The following RNF217 variants were observed in gnomAD, a reference collection of about 807,000 sequenced individuals.
The protein encoded by RNF217 is ring finger protein 217.
RNF217 carries 31 observed loss-of-function variants against 57.8 expected under a neutral mutation model. The ratio of observed to expected loss-of-function variants is 0.54; its 90% confidence interval spans 0.40 to 0.72. RNF217 has a LOEUF of 0.72. Among genes scored for constraint, RNF217 ranks in the 30% least tolerant of loss-of-function variants. The pLI is 0.00. For missense variants in RNF217, 696 were observed against 708.3 expected (o/e 0.98, Z 0.20); for synonymous variants, 313 against 294.0 (o/e 1.06, Z -0.66).
At chr6:125,066,816 G>A (rs1053172433) in intron 3 of RNF217, among the ~76,000 whole-genome samples, 1 of 152,138 alleles carries the variant, frequency 6.6e-6, no homozygotes, top group Non-Finnish European at 1.5e-5. Flanking sequence ...CTAAATAATA[G>A]ATAATGGCTG....
intron 1 of RNF217, among the ~76,000 whole-genome samples, chr6:125,019,428 A>T (rs1160797382): frequency 1.3e-5 from 2 of 152,142 alleles, no homozygotes; most frequent in African/African-American, 4.8e-5. Context: ...GTTAATTAAT[A>T]ATCTACATTT....
chr6:125,066,027 G>C (rs1787925602), intron 3 of RNF217, among the ~76,000 whole-genome samples: 1 of 152,114 alleles, frequency 6.6e-6, no homozygotes, highest in South Asian at 2.1e-4. Context: ...AAGAACTTTA[G>C]GTTATCCCAG....
chr6:125,017,865 C>CA (rs1785671700), intron 1 of RNF217, among the ~76,000 whole-genome samples: 1 of 152,028 alleles, frequency 6.6e-6, no homozygotes, highest in East Asian at 1.9e-4. Flanking sequence ...GGTGAAAGGT[C>CA]AAAATGAAAC....
intron 1 of RNF217, among the ~76,000 whole-genome samples, chr6:124,965,958 G>C (rs754941339): frequency 1.3e-5 from 2 of 152,084 alleles, no homozygotes; most frequent in African/African-American, 4.8e-5. Context: ...TATAACAGAT[G>C]GGCAACTAAA....
intron 1 of RNF217, among the ~76,000 whole-genome samples, chr6:124,972,061 A>G (rs1728731281): frequency 6.6e-6 from 1 of 152,120 alleles, no homozygotes; most frequent in Non-Finnish European, 1.5e-5. Context: ...TAGCCACCTT[A>G]AACTTAACTT....
intron 1 of RNF217, among the ~76,000 whole-genome samples, chr6:125,002,221 C>T (rs1473453777): frequency 1.3e-5 from 2 of 152,096 alleles, no homozygotes; most frequent in Non-Finnish European, 2.9e-5. Context: ...TCTGTTGCTA[C>T]TGAGTGTGAG....
chr6:124,978,823 C>T (rs1784057680), intron 1 of RNF217, among the ~76,000 whole-genome samples: 1 of 152,148 alleles, frequency 6.6e-6, no homozygotes, highest in Non-Finnish European at 1.5e-5. Flanking sequence ...CACATGGACA[C>T]CAGAGAGTGA....
chr6:124,972,105 T>G (rs1439719298), intron 1 of RNF217, among the ~76,000 whole-genome samples: 2 of 152,206 alleles, frequency 1.3e-5, no homozygotes, highest in African/African-American at 4.8e-5. Context: ...TCCCCTTGTT[T>G]GCCACATGCT....
At chr6:125,055,241 A>G (rs1338789875) in intron 2 of RNF217, among the ~76,000 whole-genome samples, 1 of 152,160 alleles carries the variant, frequency 6.6e-6, no homozygotes, top group African/African-American at 2.4e-5. Context: ...GCAATCCAGT[A>G]TGAGTTTAAC....
At chr6:124,989,169 T>G (rs1784462533) in intron 1 of RNF217, among the ~76,000 whole-genome samples, 1 of 152,216 alleles carries the variant, frequency 6.6e-6, no homozygotes, top group Non-Finnish European at 1.5e-5. Flanking sequence ...AATTTACTAT[T>G]TTTTAAACCG....
chr6:125,045,486 C>A, intron 2 of RNF217, 42 bp downstream of exon 2: 3 of 1,444,442 alleles, frequency 2.1e-6, no homozygotes, highest in Non-Finnish European at 2.9e-6. Flanking sequence ...TGTCACATGG[C>A]AGAAGCAGCC....
chr6:125,048,316 G>A (rs1787174113), intron 2 of RNF217: 1 of 1,275,986 alleles, frequency 7.8e-7, no homozygotes, highest in Non-Finnish European at 1.0e-6. Flanking sequence ...AATAAAATAA[G>A]GTAGTTCCAA....
At chr6:125,023,601 AT>A (rs144569214) in intron 1 of RNF217, among the ~76,000 whole-genome samples, 2,028 of 152,322 alleles carry the variant, frequency 0.013, 28 homozygotes, top group Middle Eastern at 0.031. Flanking sequence ...TGAAATTAGT[AT>A]GTTGAAGAGA....
chr6:125,063,645 T>A (rs1787830059), intron 3 of RNF217, among the ~76,000 whole-genome samples: 1 of 151,692 alleles, frequency 6.6e-6, no homozygotes, highest in Admixed American at 6.6e-5. Context: ...TATTAAGTGA[T>A]TTGATAAAAC....
rs776061638 is a variant in RNF217 at position 125,089,380 on chromosome 6, G to A, written c.*6443G>A. 2.6e-5 allele frequency: 4 copies of A among 152,124 alleles called. No individual in the cohort carries two copies. Among genetic ancestry groups the A allele is most frequent in the African/African-American group, 7.2e-5 (3 of 41,426 alleles). The allele number at this position is 152,124 out of a possible 1,614,324, so 9.4% of individuals were successfully genotyped here. On this transcript the variant is annotated 3_prime_UTR_variant, in exon 6 of 6. Coordinates refer to ENST00000521654, the MANE Select transcript of RNF217 (RefSeq NM_001286398.3). ...AAAAAGGGTTATAGGTATGGTTTAT[G>A]GTCTTTGTTTCAGCAAAACGTCCTA...
chr6:125,036,169 A>G (rs1582736630), intron 1 of RNF217, among the ~76,000 whole-genome samples: 1 of 152,140 alleles, frequency 6.6e-6, no homozygotes, highest in East Asian at 1.9e-4. Flanking sequence ...GAGTGAGAAC[A>G]TGCAGTGTTT....
chr6:125,009,389 G>GAGTAGATT (rs1382729870), intron 1 of RNF217: 2 of 697,344 alleles, frequency 2.9e-6, no homozygotes, highest in Non-Finnish European at 5.0e-6. Flanking sequence ...GAGCCTGGAA[G>GAGTAGATT]AGTAGATTTT....
rs200547061 is a variant in RNF217, at chr6:125,055,192, A to G, written c.1117-2750A>G. ...CTTTTATGGTTTTAATCCAAAGCAA[A>G]TAAAGAGTGATTCTGATGTTTTCAG... is the stretch of plus-strand genomic sequence containing the variant. On this transcript the variant is annotated intron_variant, in intron 2 of 5. Transcript: ENST00000521654. 4.6e-5 allele frequency among the ~76,000 whole-genome samples: 7 copies of G among 152,188 alleles called. No individual in the cohort carries two copies. The East Asian group carries it at 1.3e-3, about 29-fold the overall frequency.
intron 1 of RNF217, among the ~76,000 whole-genome samples, chr6:125,026,852 C>T (rs1786108577): frequency 6.6e-6 from 1 of 152,010 alleles, no homozygotes; most frequent in Admixed American, 6.6e-5. Flanking sequence ...TTAAAATGAA[C>T]TGTGATATAC....
Sources: gnomAD v4.1 joint callset for allele counts (sites outside exome capture counted in the v4.1 genomes callset) on GRCh38, gnomAD v4.1.1 for gene constraint, MANE v1.5 for transcripts, NCBI Gene and HGNC (gene_info 2026-07-23, HGNC 2026-07-21) for gene names.